NOL4L: variants seen among roughly 807,000 people sequenced by gnomAD.
NOL4L encodes the protein nucleolar protein 4 like.
In NOL4L, 7 loss-of-function variants were observed where a neutral mutation model predicts 64.5. The ratio of observed to expected loss-of-function variants is 0.11; its 90% confidence interval spans 0.06 to 0.20. The LOEUF (loss-of-function observed/expected upper bound fraction) is 0.20. NOL4L is among the 10% of genes least tolerant of loss of function. The pLI is 1.00. For synonymous variants in NOL4L, 413 were observed against 401.0 expected, an observed-to-expected ratio of 1.03 and a Z score of -0.36; for missense variants, 680 against 967.1, an observed-to-expected ratio of 0.70 and a Z score of 3.94.
chr20:32,484,153 C>T (rs1288244668), intron 4 of NOL4L, among the ~76,000 whole-genome samples: 3 of 152,100 alleles, frequency 2.0e-5, no homozygotes, highest in Non-Finnish European at 2.9e-5. Context: ...CCCGGGGCCC[C>T]TTCGGGCAGC....
At chr20:32,455,087 C>T (rs1448500244) in intron 6 of NOL4L, among the ~76,000 whole-genome samples, 1 of 152,220 alleles carries the variant, frequency 6.6e-6, no homozygotes, top group African/African-American at 2.4e-5. Flanking sequence ...CATTCCCACG[C>T]CACTCCTCAG....
rs374489078 is a variant in NOL4L, at chr20:32,453,552, C to T, written c.1305+24G>A. 3.1e-5 allele frequency: 50 copies of T among 1,613,732 alleles called. No homozygotes were observed. The highest frequency in any genetic ancestry group is 4.1e-5 in the Non-Finnish European group (48 of 1,179,610). Reference sequence around the variant, plus strand: ...CCCTGGCCTTGCCCCCATCCCACCCCACCTGTTTCCGGCCGGTGCTCACGT... The same window carrying T: ...CCCTGGCCTTGCCCCCATCCCACCCTACCTGTTTCCGGCCGGTGCTCACGT... On this transcript the variant is annotated intron_variant, in intron 7 of 10. Transcript: ENST00000621426. The surrounding 1 kb of genome is among the most constrained non-coding windows in gnomAD (Gnocchi z 5.6).
At chr20:32,466,170 G>C (rs1468621452) in intron 5 of NOL4L, among the ~76,000 whole-genome samples, 1 of 152,148 alleles carries the variant, frequency 6.6e-6, no homozygotes, top group Non-Finnish European at 1.5e-5. Flanking sequence ...GTTTTGCCAT[G>C]TTGGCCAGGC....
intron 4 of NOL4L, among the ~76,000 whole-genome samples, chr20:32,478,242 T>TACACAC (rs553898145): frequency 0.017 from 2,449 of 144,974 alleles, 25 homozygotes; most frequent in African/African-American, 0.027. Context: ...AGGCTATATT[T>TACACAC]ACACACACAC....
chr20:32,520,943 G>A (rs977301643), intron 2 of NOL4L, 21 bp from the exon 3 acceptor site: 13 of 1,512,476 alleles, frequency 8.6e-6, no homozygotes, highest in Admixed American at 6.0e-5. Context: ...GAAGAGCTTC[G>A]CTTGTTATAT....
chr20:32,579,078 G>A (rs2145626361), intron 1 of NOL4L, among the ~76,000 whole-genome samples: 1 of 152,318 alleles, frequency 6.6e-6, no homozygotes, highest in East Asian at 1.9e-4. Context: ...TGATGATGGA[G>A]GACATCCCAA....
At chr20:32,550,685 G>A (rs1052766849) in intron 1 of NOL4L, among the ~76,000 whole-genome samples, 2 of 152,172 alleles carry the variant, frequency 1.3e-5, no homozygotes, top group African/African-American at 4.8e-5. Context: ...TTGGAGACCA[G>A]ACTGACCATC....
At chr20:32,476,387 G>A (rs1037396894) in intron 4 of NOL4L, among the ~76,000 whole-genome samples, 3 of 152,184 alleles carry the variant, frequency 2.0e-5, no homozygotes, top group African/African-American at 4.8e-5. Context: ...AGGTGCAGCC[G>A]GCTCCCCATC....
chr20:32,447,864 C>A, intron 10 of NOL4L, 48 bp from the exon 11 acceptor site: 1 of 1,514,028 alleles, frequency 6.6e-7, no homozygotes, highest in Non-Finnish European at 8.8e-7. Flanking sequence ...CCCTGCCTGG[C>A]ATCTGGGAGG....
intron 3 of NOL4L, among the ~76,000 whole-genome samples, chr20:32,518,028 G>A (rs925588480): frequency 6.6e-6 from 1 of 152,150 alleles, no homozygotes. Context: ...TGCTCAGAGA[G>A]GTTCCCTGTC....
chr20:32,484,036 G>A (rs1568641502), intron 4 of NOL4L, among the ~76,000 whole-genome samples: 1 of 151,786 alleles, frequency 6.6e-6, no homozygotes, highest in African/African-American at 2.4e-5. Context: ...TCTGGGTCCG[G>A]TGGGGGCTGG....
At position 32,452,406 on chromosome 20, in the gene NOL4L, G is replaced by A. The variant is rs752396462; in HGVS notation, c.1652C>T (p.Ser551Leu). Reference protein sequence around the residue: ...DEPIALDKQHSRDSAAITHST... With the variant: ...DEPIALDKQHLRDSAAITHST... ...GTGGGTGATGGCTGCGGAGTCCCGC[G>A]AGTGCTGCTTGTCCAGGGCTATGGG... The change falls in exon 10 of 11, where the codon TCG (serine) becomes TTG (leucine). Residue 551 changes from serine to leucine, a missense_variant. Transcript: ENST00000621426. 5 of 1,609,594 alleles carry A rather than the reference G, an allele frequency of 3.1e-6. No homozygotes were observed. The highest frequency in any genetic ancestry group is 3.3e-4 in the Middle Eastern group (2 of 5,982).
chr20:32,516,486 G>A (rs1376441857), intron 3 of NOL4L, among the ~76,000 whole-genome samples: 4 of 152,170 alleles, frequency 2.6e-5, no homozygotes, highest in Non-Finnish European at 4.4e-5. Flanking sequence ...AGAGCTGAGA[G>A]GGCCCCGGAG....
At chr20:32,570,695 T>C (rs747807032) in intron 1 of NOL4L, among the ~76,000 whole-genome samples, 113 of 152,192 alleles carry the variant, frequency 7.4e-4, no homozygotes, top group Non-Finnish European at 7.5e-4. Flanking sequence ...GGCTGACTTC[T>C]TACCTCTGCC....
At chr20:32,494,547 T>C (rs1355165939) in intron 4 of NOL4L, among the ~76,000 whole-genome samples, 6 of 152,218 alleles carry the variant, frequency 3.9e-5, no homozygotes, top group African/African-American at 1.4e-4. Context: ...CAAAGTTTAG[T>C]TGATGGTGCC....
At chr20:32,486,684 A>G (rs1317551340) in intron 4 of NOL4L, 2 of 467,688 alleles carry the variant, frequency 4.3e-6, no homozygotes, top group Non-Finnish European at 8.8e-6. Context: ...AATGACAGAG[A>G]AGAAAATGTA....
chr20:32,582,652 C>T (rs1980553438), intron 1 of NOL4L, among the ~76,000 whole-genome samples: 1 of 150,098 alleles, frequency 6.7e-6, no homozygotes, highest in Non-Finnish European at 1.5e-5. Context: ...GAAGGTTGGG[C>T]CAAGGCTTCC....
chr20:32,485,748 A>T (rs1486508527), intron 4 of NOL4L: 2 of 470,978 alleles, frequency 4.2e-6, no homozygotes, highest in Non-Finnish European at 8.8e-6. Context: ...CAAACGCGGG[A>T]ACTGTCCATC....
intron 4 of NOL4L, chr20:32,486,618 CTG>C (rs2016096408): frequency 2.3e-6 from 1 of 440,206 alleles, no homozygotes; most frequent in Non-Finnish European, 4.7e-6. Context: ...AGAGCAGACA[CTG>C]TTCAAGCACG....
Sources: allele counts gnomAD v4.1 joint callset (sites outside exome capture counted in the v4.1 genomes callset), GRCh38; gene constraint gnomAD v4.1.1; non-coding constraint Gnocchi (gnomAD v3.1); transcripts MANE v1.5; gene names NCBI Gene and HGNC (gene_info 2026-07-23, HGNC 2026-07-21).